Variants in CTNNA2 observed in about 807,000 individuals in gnomAD.
CTNNA2 encodes the protein catenin alpha-2.
Under a neutral mutation model 101.0 loss-of-function variants are expected in CTNNA2, and 42 were observed. The observed-to-expected ratio is 0.42, with a 90% CI of 0.32 to 0.54. CTNNA2 has a LOEUF of 0.54. CTNNA2 is among the 20% of genes least tolerant of loss of function. CTNNA2 has a pLI of 0.14. For missense variants in CTNNA2, 871 were observed against 1,223.1 expected (o/e 0.71, Z 4.29); for synonymous variants, 450 against 456.4 (o/e 0.99, Z 0.18).
rs59806501 is a variant in CTNNA2 at position 79,321,793 on chromosome 2, G to GCACACACACACA, written c.-318+9012_-318+9023dup. Among the ~76,000 whole-genome samples, 232 of 149,174 alleles carry GCACACACACACA rather than the reference G, an allele frequency of 1.6e-3. 2 individuals are homozygous for GCACACACACACA. The highest frequency in any genetic ancestry group is 5.5e-3 in the African/African-American group (223 of 40,808). On this transcript the variant is annotated intron_variant, in intron 3 of 21. Transcript: ENST00000466387. ...CCTAGTTCCTGCCACCACTGTGTTTGCACACACACACACACACACACACAC... is the reference window on the plus strand; with the variant it reads ...CCTAGTTCCTGCCACCACTGTGTTTGCACACACACACACACACACACACACACACACACACAC...
intron 1 of CTNNA2, among the ~76,000 whole-genome samples, chr2:79,641,064 C>T (rs182744525): frequency 1.3e-5 from 2 of 152,212 alleles, no homozygotes; most frequent in African/African-American, 2.4e-5. Context: ...TAATGTTATA[C>T]CCTGATCGGA....
intron 12 of CTNNA2, chr2:80,572,955 A>AT (rs994891762): frequency 6.6e-6 from 1 of 152,066 alleles, no homozygotes; most frequent in Non-Finnish European, 1.5e-5. Context: ...GTAGAAATAC[A>AT]TTTTTCCAGG....
chr2:79,857,965 C>A (rs1294073569), intron 3 of CTNNA2, 48 bp from the exon 4 acceptor site: 1 of 1,579,250 alleles, frequency 6.3e-7, no homozygotes, highest in Non-Finnish European at 8.7e-7. Flanking sequence ...GATGGCCAGT[C>A]TCTAAGCCTC....
intron 14 of CTNNA2, among the ~76,000 whole-genome samples, 153 bp downstream of exon 14, chr2:80,581,972 A>C (rs1695581383): frequency 6.6e-6 from 1 of 152,174 alleles, no homozygotes; most frequent in Non-Finnish European, 1.5e-5. Context: ...AGCAAATCAC[A>C]TTTTACACAG....
chr2:80,020,992 TC>T (rs1694517663), intron 7 of CTNNA2, among the ~76,000 whole-genome samples: 2 of 135,496 alleles, frequency 1.5e-5, no homozygotes, highest in African/African-American at 2.8e-5. Context: ...TGACCAATCA[TC>T]TTTTTTTTTT....
At chr2:79,582,111 G>T (rs182346702) in intron 1 of CTNNA2, among the ~76,000 whole-genome samples, 1 of 152,300 alleles carries the variant, frequency 6.6e-6, no homozygotes, top group Admixed American at 6.5e-5. Flanking sequence ...GCCTCATACT[G>T]GCTACTTGAT....
intron 13 of CTNNA2, among the ~76,000 whole-genome samples, chr2:80,576,786 T>TAAA (rs1558606620): frequency 0.25 from 28,130 of 111,808 alleles, 5,471 homozygotes; most frequent in Admixed American, 0.36. Context: ...CTGTCTCTAC[T>TAAA]GAAAAAAAAA....
intron 3 of CTNNA2, among the ~76,000 whole-genome samples, chr2:79,772,433 T>C (rs898395913): frequency 6.6e-5 from 10 of 152,092 alleles, no homozygotes; most frequent in African/African-American, 2.4e-4. Context: ...GGCAAGATAG[T>C]GGTTTAATTC....
chr2:79,568,945 G>T (rs1192211188), intron 1 of CTNNA2, among the ~76,000 whole-genome samples: 1 of 151,132 alleles, frequency 6.6e-6, no homozygotes, highest in African/African-American at 2.4e-5. Flanking sequence ...GATACGGGAG[G>T]ATTGCTTCAG....
intron 18 of CTNNA2, among the ~76,000 whole-genome samples, chr2:80,633,980 A>T (rs1160713982): frequency 6.6e-6 from 1 of 152,196 alleles, no homozygotes; most frequent in Non-Finnish European, 1.5e-5. Context: ...CTCTCCTGAC[A>T]ATCTCATGTA....
intron 15 of CTNNA2, among the ~76,000 whole-genome samples, chr2:80,590,949 C>T (rs1283975647): frequency 2.0e-5 from 3 of 152,260 alleles, no homozygotes; most frequent in Admixed American, 6.5e-5. Context: ...CCTGTGATGA[C>T]TTAATTTGCT....
chr2:80,219,984 CA>C (rs143720405), intron 7 of CTNNA2, among the ~76,000 whole-genome samples: 30 of 151,508 alleles, frequency 2.0e-4, no homozygotes, highest in Non-Finnish European at 3.7e-4. Flanking sequence ...AACAAACAAA[CA>C]AAAAAAACAC....
chr2:80,313,284 TC>T (rs1677776705), intron 7 of CTNNA2: 1 of 825,248 alleles, frequency 1.2e-6, no homozygotes, highest in Non-Finnish European at 1.6e-6. Flanking sequence ...CTGACAAGAA[TC>T]TTGAAAATGC....
intron 1 of CTNNA2, among the ~76,000 whole-genome samples, chr2:79,605,924 G>C (rs1000434334): frequency 1.3e-5 from 2 of 151,868 alleles, no homozygotes; most frequent in Non-Finnish European, 2.9e-5. Context: ...GTGAGACTCT[G>C]TCTCAATAAA....
chr2:79,302,925 T>A (rs985481810), intron 2 of CTNNA2, among the ~76,000 whole-genome samples: 2 of 152,198 alleles, frequency 1.3e-5, no homozygotes, highest in Admixed American at 6.5e-5. Flanking sequence ...AAATTATCCT[T>A]GCTTTTCAGA....
intron 4 of CTNNA2, among the ~76,000 whole-genome samples, chr2:79,397,740 T>G (rs1350226171): frequency 6.6e-6 from 1 of 152,118 alleles, no homozygotes; most frequent in Admixed American, 6.6e-5. Flanking sequence ...CATAGCTCAC[T>G]CTAACCTCAA....
intron 1 of CTNNA2, among the ~76,000 whole-genome samples, chr2:79,649,782 T>C (rs1681089890): frequency 6.6e-6 from 1 of 152,166 alleles, no homozygotes; most frequent in Non-Finnish European, 1.5e-5. Context: ...AACATGGCAT[T>C]TGGAGAGAGT....
chr2:80,322,078 G>A (rs1678751568), intron 7 of CTNNA2, among the ~76,000 whole-genome samples: 1 of 152,120 alleles, frequency 6.6e-6, no homozygotes, highest in South Asian at 2.1e-4. Context: ...GACATTCCTG[G>A]TATGTGTAGA....
chr2:80,161,306 A>C (rs1475551270), intron 7 of CTNNA2, among the ~76,000 whole-genome samples: 1 of 152,084 alleles, frequency 6.6e-6, no homozygotes, highest in Non-Finnish European at 1.5e-5. Flanking sequence ...GTGAGCCCCC[A>C]TGCACAGCCC....
Sources: allele counts gnomAD v4.1 joint callset (sites outside exome capture counted in the v4.1 genomes callset), GRCh38; gene constraint gnomAD v4.1.1; transcripts MANE v1.5; gene names NCBI Gene and HGNC (gene_info 2026-07-23, HGNC 2026-07-21).